Variants in RAB11FIP2 observed in about 807,000 individuals in gnomAD.
The protein encoded by RAB11FIP2 is RAB11 family interacting protein 2.
RAB11FIP2 carries 16 observed loss-of-function variants against 40.9 expected under a neutral mutation model. The ratio of observed to expected loss-of-function variants is 0.39; its 90% CI spans 0.26 to 0.59. The LOEUF (loss-of-function observed/expected upper bound fraction) is 0.59. Among genes scored for constraint, RAB11FIP2 ranks in the 20% least tolerant of loss-of-function variants. The pLI is 0.53. For missense variants in RAB11FIP2, 532 were observed against 606.2 expected (o/e 0.88, Z 1.28); for synonymous variants, 228 against 213.7 (o/e 1.07, Z -0.58).
chr10:118,040,851 T>C (rs1358477364), intron 1 of RAB11FIP2, among the ~76,000 whole-genome samples: 4 of 152,166 alleles, frequency 2.6e-5, no homozygotes, highest in Non-Finnish European at 5.9e-5. Context: ...AAATCACTCA[T>C]CATCAAAAAT....
chr10:118,043,035 T>C (rs1846579902), intron 1 of RAB11FIP2, among the ~76,000 whole-genome samples: 1 of 151,754 alleles, frequency 6.6e-6, no homozygotes, highest in Non-Finnish European at 1.5e-5. Context: ...CTTACTGGAT[T>C]AGCTGACTTT....
chr10:118,011,161 A>G (rs1846149955), intron 4 of RAB11FIP2, among the ~76,000 whole-genome samples: 1 of 152,092 alleles, frequency 6.6e-6, no homozygotes, highest in Admixed American at 6.6e-5. Context: ...AATAGAGAGG[A>G]TATTAAAGGG....
At chr10:118,033,898 A>G in intron 3 of RAB11FIP2, 1 of 696,896 alleles carries the variant, frequency 1.4e-6, no homozygotes, top group East Asian at 2.7e-5. Context: ...CTGTGAATTT[A>G]TCATTTGGAC....
Position 118,039,400 on chromosome 10 carries a change from A to G in RAB11FIP2, c.837T>C (p.Asp279=). Residue 279 remains aspartate (D), a synonymous_variant, in exon 3 of 5, where the codon GAT becomes GAC. Coordinates refer to ENST00000355624, the MANE Select transcript of RAB11FIP2 (RefSeq NM_014904.3). The part of the protein sequence containing the change: ...KSPHRRTLSF[D]TSKMNQPDSI... Reference sequence around the variant, plus strand: ...TGTCAGGTTGGTTCATTTTAGAAGTATCAAAGCTTAATGTTCTTCTGTGTG... The same window carrying G: ...TGTCAGGTTGGTTCATTTTAGAAGTGTCAAAGCTTAATGTTCTTCTGTGTG... The G allele has an allele frequency of 6.2e-7, 1 of 1,613,308 alleles. No homozygotes were observed.
At chr10:118,013,451 G>T (rs2133162496) in intron 4 of RAB11FIP2, among the ~76,000 whole-genome samples, 1 of 152,158 alleles carries the variant, frequency 6.6e-6, no homozygotes, top group East Asian at 1.9e-4. Context: ...TAGCATATAA[G>T]ACATACAAAC....
rs1344392671 is a variant in RAB11FIP2, at chr10:118,040,251, G to A, written c.668C>T (p.Ser223Leu). 3.7e-6 allele frequency: 6 copies of A among 1,613,688 alleles called. No homozygotes were observed. The highest frequency in any genetic ancestry group is 2.2e-5 in the East Asian group (1 of 44,878). ...KPFLLGPQRL[S>L]SAHSMSDLSG... ...TAAATCAGACATTGAATGCGCTGACGAGAGTCGCTGAGGACCCAAGAGAAA... is the reference window on the plus strand; with the variant it reads ...TAAATCAGACATTGAATGCGCTGACAAGAGTCGCTGAGGACCCAAGAGAAA... The change falls in exon 2 of 5, where the codon TCG becomes TTG. Residue 223 changes from serine (S) to leucine (L), a missense_variant. Ser to Leu is a moderately radical substitution (Grantham distance 145, BLOSUM62 -2). Transcript: ENST00000355624.
intron 3 of RAB11FIP2, among the ~76,000 whole-genome samples, chr10:118,029,068 C>T (rs1406395270): frequency 6.6e-6 from 1 of 151,652 alleles, no homozygotes; most frequent in East Asian, 1.9e-4. Context: ...ATCAAGACTA[C>T]AATCCCAAGT....
At position 118,039,282 on chromosome 10, in the gene RAB11FIP2, G is replaced by T; in HGVS notation, c.955C>A (p.Pro319Thr). 6.2e-7 allele frequency: 1 copy of T among 1,613,462 alleles called. No homozygotes were observed. Among genetic ancestry groups the T allele is most frequent in the Non-Finnish European group, 8.5e-7 (1 of 1,179,706 alleles). ...ASLPQKFATL[P>T]RKKNPFEESS... ...TCTTCAAATGGATTTTTCTTCCTTG[G>T]CAGTGTTGCAAATTTTTGGGGTAAT... is the stretch of plus-strand genomic sequence containing the variant. Residue 319 changes from proline to threonine, a missense_variant, in exon 3 of 5, where the codon CCA becomes ACA. Pro to Thr is a conservative substitution (Grantham distance 38). Transcript: ENST00000355624.
In RAB11FIP2 at chr10:118,046,187, A is replaced by G. The variant is rs767124153; in HGVS notation, c.-24T>C. The G allele has an allele frequency of 1.7e-5, 27 of 1,599,334 alleles. No individual in the cohort carries two copies. The highest frequency in any genetic ancestry group is 5.5e-5 in the South Asian group (5 of 90,184). ...ATCCTGTCCTGTTTCTCTGCCCCCG[A>G]GTTCCCTAGCACAGGCAGTGCCCCT... On this transcript the variant is annotated 5_prime_UTR_variant, in exon 1 of 5. Coordinates refer to ENST00000355624, the MANE Select transcript of RAB11FIP2 (RefSeq NM_014904.3).
chr10:118,044,051 T>C lies in RAB11FIP2; in HGVS notation c.353+1760A>G, dbSNP rs375070111. Among the ~76,000 whole-genome samples the C allele has an allele frequency of 9.8e-5, 15 of 152,328 alleles. No homozygotes were observed. In the East Asian group the frequency reaches 1.9e-3, roughly 20 times the overall value. ...ATTTAAAAGCATTTTACCCCTAAAGTTCTAATCAATTTTATATAATAGCCA... is the reference window on the plus strand; with the variant it reads ...ATTTAAAAGCATTTTACCCCTAAAGCTCTAATCAATTTTATATAATAGCCA... On this transcript the variant is annotated intron_variant, in intron 1 of 4. Coordinates refer to ENST00000355624, the MANE Select transcript of RAB11FIP2 (RefSeq NM_014904.3).
intron 3 of RAB11FIP2, among the ~76,000 whole-genome samples, chr10:118,023,284 G>A (rs1205321335): frequency 6.6e-6 from 1 of 152,066 alleles, no homozygotes; most frequent in Non-Finnish European, 1.5e-5. Flanking sequence ...AAAGTGAAGT[G>A]CCCAAAGAGA....
rs113648542 is a variant in RAB11FIP2, at chr10:118,028,405, G to A, written c.1265+10567C>T. Among the ~76,000 whole-genome samples, 869 of 151,996 alleles carry A rather than the reference G, an allele frequency of 5.7e-3. 6 individuals carry two copies. The highest frequency in any genetic ancestry group is 0.02 in the African/African-American group (812 of 41,494). On this transcript the variant is annotated intron_variant, in intron 3 of 4. Coordinates refer to ENST00000355624, the MANE Select transcript of RAB11FIP2 (RefSeq NM_014904.3). ...AATCCTTAAAATATAAGTTCAAAGA[G>A]ATAAATGTCAAATGTCTGGATCCTA...
At chr10:118,013,520 T>C (rs758315044) in intron 4 of RAB11FIP2, among the ~76,000 whole-genome samples, 8 of 152,128 alleles carry the variant, frequency 5.3e-5, no homozygotes, top group Non-Finnish European at 7.4e-5. Context: ...TGGCTATTAT[T>C]GGAGAACTTA....
Position 118,006,021 on chromosome 10 carries a change from A to T in RAB11FIP2, c.*2977T>A, listed in dbSNP as rs1846086971. The T allele has an allele frequency of 6.6e-6, 1 of 152,664 alleles. No individual in the cohort carries two copies. Among genetic ancestry groups the T allele is most frequent in the Non-Finnish European group, 1.5e-5 (1 of 68,038 alleles). The allele number at this position is 152,664 out of a possible 1,614,324, so 9.5% of individuals were successfully genotyped here. Reference sequence around the variant, plus strand: ...ATGTATAATCTATAGATAATACTACATTCAGGGGACAATGGCAAAACTAGG... The same window carrying T: ...ATGTATAATCTATAGATAATACTACTTTCAGGGGACAATGGCAAAACTAGG... On this transcript the variant is annotated 3_prime_UTR_variant, in exon 5 of 5. Transcript: ENST00000355624.
chr10:118,032,094 A>G (rs1252479027), intron 3 of RAB11FIP2, among the ~76,000 whole-genome samples: 1 of 151,988 alleles, frequency 6.6e-6, no homozygotes, highest in African/African-American at 2.4e-5. Context: ...CAGACAGAAA[A>G]TCTTACTCTC....
At position 118,008,098 on chromosome 10, in the gene RAB11FIP2, A is replaced by G. The variant is rs1564828744; in HGVS notation, c.*900T>C. On this transcript the variant is annotated 3_prime_UTR_variant, in exon 5 of 5. Coordinates refer to ENST00000355624, the MANE Select transcript of RAB11FIP2 (RefSeq NM_014904.3). ...TTTAAAGGCATGCAGAATTTCAACA[A>G]AACAAGCTATATTAGCTTATCTTCT... is the stretch of plus-strand genomic sequence containing the variant. 1 of 152,460 alleles carries G rather than the reference A, an allele frequency of 6.6e-6. No homozygotes were observed. Among genetic ancestry groups the G allele is most frequent in the Non-Finnish European group, 1.5e-5 (1 of 68,004 alleles). 9.4% of individuals were successfully genotyped at this position (152,460 alleles called of 1,614,324 possible).
rs551857288 is a variant in RAB11FIP2, at chr10:118,008,819, C to T, written c.*179G>A. The T allele has an allele frequency of 6.6e-5, 40 of 601,524 alleles. 1 individual carries two copies. Among genetic ancestry groups the T allele is most frequent in the South Asian group, 6.6e-4 (32 of 48,290 alleles). The allele number at this position is 601,524 out of a possible 1,614,324, so 37.3% of individuals were successfully genotyped here. On this transcript the variant is annotated 3_prime_UTR_variant, in exon 5 of 5. Transcript: ENST00000355624. ...TTAAACATTTAAATGATTTAGCTTG[C>T]TTCAAAGGTCACTCTTGATAGTCCC...
rs1846325680 is a variant in RAB11FIP2, at chr10:118,024,914, T to A, written c.1266-9804A>T. On this transcript the variant is annotated intron_variant, in intron 3 of 4. Transcript: ENST00000355624. ...GCCCCTGGCCAGCAAGCACCCACTT[T>A]CCTAGCCCCAGCCATCTCTGCAGAG... Among the ~76,000 whole-genome samples, 3 of 152,252 alleles carry A rather than the reference T, an allele frequency of 2.0e-5. No homozygotes were observed. In the South Asian group the frequency reaches 6.2e-4, roughly 32 times the overall value.
rs1310025953 is a variant in RAB11FIP2 at position 118,046,492 on chromosome 10, C to G, written c.-329G>C. 2.4e-5 allele frequency: 5 copies of G among 208,186 alleles called. No homozygotes were observed. Among genetic ancestry groups the G allele is most frequent in the Non-Finnish European group, 4.5e-5 (5 of 111,458 alleles). 12.9% of individuals were successfully genotyped at this position (208,186 alleles called of 1,614,324 possible). On this transcript the variant is annotated 5_prime_UTR_variant, in exon 1 of 5. Transcript: ENST00000355624. ...TGAGGCCTGGCCACACGGACCCGGG[C>G]GGAGGGCTGCGGGGGTGAAGGGAGC...
Sources: gnomAD v4.1 joint callset for allele counts (sites outside exome capture counted in the v4.1 genomes callset) on GRCh38, gnomAD v4.1.1 for gene constraint, MANE v1.5 for transcripts, NCBI Gene and HGNC (gene_info 2026-07-23, HGNC 2026-07-21) for gene names.